ASMT: variants seen among roughly 807,000 people sequenced by gnomAD.
ASMT encodes acetylserotonin N-methyltransferase.
Under a neutral mutation model 41.3 loss-of-function variants are expected in ASMT, and 53 were observed. The ratio of observed to expected loss-of-function variants is 1.28; its 90% CI spans 1.03 to 1.61. The LOEUF is 1.61. ASMT is among the 40% of genes most tolerant of loss of function. The probability of loss-of-function intolerance (pLI) is 0.00; values close to 1 mark genes in which losing one functional copy is unlikely to be tolerated. For synonymous variants in ASMT, 231 were observed against 184.8 expected, an observed-to-expected ratio of 1.25 and a Z score of -2.03; for missense variants, 531 against 441.3, an observed-to-expected ratio of 1.20 and a Z score of -1.82.
chrX:1,615,359 C>G, intron 1 of ASMT, 91 bp downstream of exon 1: 2 of 1,224,178 alleles, frequency 1.6e-6, no homozygotes, highest in Non-Finnish European at 2.4e-6. Context: ...AATGATGAGT[C>G]TCCATCATTT....
In ASMT at chrX:1,625,721, G is replaced by A. The variant is rs752607100; in HGVS notation, c.374+1323G>A. ...GGTAATCCCAGCACTTTGGGAGGCT[G>A]AGGCGGGCGGATCACGAGGTCAGGA... On this transcript the variant is annotated intron_variant, in intron 3 of 8. Coordinates refer to ENST00000381241, the MANE Select transcript of ASMT (RefSeq NM_001171038.2). 9.9e-4 allele frequency among the ~76,000 whole-genome samples: 150 copies of A among 151,754 alleles called. 1 individual carries two copies. In the South Asian group the frequency reaches 0.012, roughly 13 times the overall value.
At chrX:1,642,091 CTG>C (rs1174897365) in intron 8 of ASMT, among the ~76,000 whole-genome samples, 14 of 139,438 alleles carry the variant, frequency 1.0e-4, no homozygotes, top group Admixed American at 4.5e-4. Context: ...GGCACAGCCT[CTG>C]TGTGTGTGTG....
chrX:1,616,186 G>T lies in ASMT; in HGVS notation c.69+918G>T, dbSNP rs761801253. 8.0e-5 allele frequency among the ~76,000 whole-genome samples: 11 copies of T among 136,794 alleles called. 1 individual carries two copies. Among genetic ancestry groups the T allele is most frequent in the African/African-American group, 2.9e-4 (11 of 37,938 alleles). 89.7% of individuals were successfully genotyped at this position (136,794 alleles called of 152,430 possible). On this transcript the variant is annotated intron_variant, in intron 1 of 8. Transcript: ENST00000381241. Reference sequence around the variant, plus strand: ...TGGGATTACAGGCACCCACCACCACGCCCGGCTAATTTTTGTATTTTTAGT... The same window carrying T: ...TGGGATTACAGGCACCCACCACCACTCCCGGCTAATTTTTGTATTTTTAGT...
intron 7 of ASMT, among the ~76,000 whole-genome samples, chrX:1,633,933 C>T (rs751910743): frequency 2.0e-5 from 3 of 147,856 alleles, no homozygotes; most frequent in South Asian, 4.2e-4. Context: ...CCATCACACC[C>T]GGCCTCTTTT....
rs1934027824 is a variant in ASMT, at chrX:1,615,110, G to T, written c.-90G>T. 1 of 1,139,926 alleles carries T rather than the reference G, an allele frequency of 8.8e-7. No homozygotes were observed. The highest frequency in any genetic ancestry group is 1.5e-5 in the African/African-American group (1 of 66,016). The allele number at this position is 1,139,926 out of a possible 1,614,324, so 70.6% of individuals were successfully genotyped here. A position where few individuals can be genotyped will look rare whatever the true frequency, so the allele number is the denominator to read the frequency against. ...AGAGTCAGGCAGCAGCTGTGAGCGG[G>T]TGGCTCTTCCCCACCTTGCCAGCAG... is the stretch of plus-strand genomic sequence containing the variant. On this transcript the variant is annotated 5_prime_UTR_variant, in exon 1 of 9. Coordinates refer to ENST00000381241, the MANE Select transcript of ASMT (RefSeq NM_001171038.2).
intron 4 of ASMT, among the ~76,000 whole-genome samples, chrX:1,629,584 C>T (rs759879029): frequency 2.3e-4 from 35 of 152,322 alleles, no homozygotes; most frequent in African/African-American, 8.2e-4. Context: ...CCCTTCCCAT[C>T]CAGAGAACAA....
intron 3 of ASMT, among the ~76,000 whole-genome samples, chrX:1,625,911 C>CT (rs1934529342): frequency 1.4e-5 from 2 of 144,786 alleles, no homozygotes; most frequent in African/African-American, 5.2e-5. Flanking sequence ...GCCAAGATCG[C>CT]ACCACTGCAC....
chrX:1,642,984 C>G lies in ASMT; in HGVS notation c.1092C>G (p.Ala364=). The G allele has an allele frequency of 6.2e-7, 1 of 1,613,916 alleles. No homozygotes were observed. The highest frequency in any genetic ancestry group is 8.5e-7 in the Non-Finnish European group (1 of 1,179,858). Reference sequence around the variant, plus strand: ...ACTTCCAGTTTAAGAAAACAGGAGCCATTTATGATGCCATTTTAGCCAGGA... The same window carrying G: ...ACTTCCAGTTTAAGAAAACAGGAGCGATTTATGATGCCATTTTAGCCAGGA... The part of the protein sequence containing the change: ...FRDFQFKKTG[A]IYDAILARK The change falls in exon 9 of 9, where the codon GCC becomes GCG. Residue 364 remains alanine, a synonymous_variant. Transcript: ENST00000381241.
intron 1 of ASMT, among the ~76,000 whole-genome samples, chrX:1,622,416 A>T (rs1318730376): frequency 2.0e-5 from 3 of 149,048 alleles, no homozygotes; most frequent in Non-Finnish European, 3.0e-5. Context: ...TCAGCCTCCC[A>T]AGTAGTTGGG....
At chrX:1,636,654 C>G in intron 8 of ASMT, 94 bp downstream of exon 8, 1 of 1,597,236 alleles carries the variant, frequency 6.3e-7, no homozygotes, top group Non-Finnish European at 8.6e-7. Context: ...AATCATCCCA[C>G]AGGTAAGGGT....
rs1472145677 is a variant in ASMT, at chrX:1,641,554, G to T, written c.911-1249G>T. ...TTGGGGACAGTGTCCCAGTTCTCCT[G>T]TGAGGTCCACCCATCCTGATGGTTC... is the stretch of plus-strand genomic sequence containing the variant. On this transcript the variant is annotated intron_variant, in intron 8 of 8. Coordinates refer to ENST00000381241, the MANE Select transcript of ASMT (RefSeq NM_001171038.2). 1.3e-5 allele frequency among the ~76,000 whole-genome samples: 2 copies of T among 148,302 alleles called. 1 individual carries two copies. Among genetic ancestry groups the T allele is most frequent in the Admixed American group, 1.4e-4 (2 of 14,228 alleles).
chrX:1,620,783 G>A (rs1934309970), intron 1 of ASMT, among the ~76,000 whole-genome samples: 1 of 152,094 alleles, frequency 6.6e-6, no homozygotes, highest in Admixed American at 6.6e-5. Flanking sequence ...CAGCTAGTCG[G>A]GAGGCTGAGG....
chrX:1,636,914 T>TGG, intron 8 of ASMT, among the ~76,000 whole-genome samples: 1 of 135,814 alleles, frequency 7.4e-6, no homozygotes. Context: ...GCACAGCCTC[T>TGG]GTGTGTGATG....
rs200435245 is a variant in ASMT at position 1,619,591 on chromosome X, A to AAAAAAAGT, written c.70-3547_70-3546insAAAAAGTA. ...TAATAATAATAATAATAATAATAAA[A>AAAAAAAGT]AGTCTTTGGGAGCAGAAAAAAAAAA... On this transcript the variant is annotated intron_variant, in intron 1 of 8. Coordinates refer to ENST00000381241, the MANE Select transcript of ASMT (RefSeq NM_001171038.2). 5.6e-3 allele frequency among the ~76,000 whole-genome samples: 828 copies of AAAAAAAGT among 147,094 alleles called. 16 individuals carry two copies. Among genetic ancestry groups the AAAAAAAGT allele is most frequent in the African/African-American group, 0.019 (770 of 40,292 alleles).
chrX:1,618,180 T>G (rs768093781), intron 1 of ASMT, among the ~76,000 whole-genome samples: 13 of 152,146 alleles, frequency 8.5e-5, no homozygotes, highest in African/African-American at 3.1e-4. Flanking sequence ...TTTATTTTTC[T>G]GATATGGAGT....
intron 1 of ASMT, among the ~76,000 whole-genome samples, chrX:1,618,183 T>C (rs1934207957): frequency 6.6e-6 from 1 of 151,620 alleles, no homozygotes; most frequent in Admixed American, 6.6e-5. Flanking sequence ...ATTTTTCTGA[T>C]ATGGAGTTTC....
At chrX:1,616,976 G>C (rs1934156150) in intron 1 of ASMT, among the ~76,000 whole-genome samples, 1 of 152,028 alleles carries the variant, frequency 6.6e-6, no homozygotes, top group Non-Finnish European at 1.5e-5. Flanking sequence ...CCAAAGTGCT[G>C]GGATTACAGG....
intron 4 of ASMT, among the ~76,000 whole-genome samples, chrX:1,629,429 G>A (rs1480962378): frequency 6.6e-6 from 1 of 152,130 alleles, no homozygotes; most frequent in African/African-American, 2.4e-5. Flanking sequence ...CCTAGTTCCT[G>A]CCTTTTCTCT....
chrX:1,626,607 G>A (rs1465621772), intron 3 of ASMT, among the ~76,000 whole-genome samples: 1 of 152,090 alleles, frequency 6.6e-6, no homozygotes, highest in Non-Finnish European at 1.5e-5. Context: ...GTAATATAGG[G>A]TTAAATAAAA....
Sources: gnomAD v4.1 joint callset for allele counts (sites outside exome capture counted in the v4.1 genomes callset) on GRCh38, gnomAD v4.1.1 for gene constraint, MANE v1.5 for transcripts, NCBI Gene and HGNC (gene_info 2026-07-23, HGNC 2026-07-21) for gene names.